WWP2: variants seen among roughly 807,000 people sequenced by gnomAD.
WWP2 encodes WW domain containing E3 ubiquitin protein ligase 2.
A neutral mutation model predicts 121.0 loss-of-function variants in WWP2; 57 were observed. That is an observed-to-expected ratio of 0.47 (90% CI 0.38 to 0.59). The LOEUF is 0.59. WWP2 is among the 20% of genes least tolerant of loss of function. WWP2 has a pLI of 0.00. For synonymous variants in WWP2, 449 were observed against 441.3 expected (o/e 1.02, Z -0.22); for missense variants, 962 against 1,158.9 (o/e 0.83, Z 2.47).
At chr16:69,860,267 G>A (rs1027218193) in intron 6 of WWP2, among the ~76,000 whole-genome samples, 11 of 152,182 alleles carry the variant, frequency 7.2e-5, no homozygotes, top group African/African-American at 2.2e-4. Flanking sequence ...GAGGTTACAG[G>A]CCCAAGAGTG....
intron 7 of WWP2, among the ~76,000 whole-genome samples, chr16:69,882,553 T>C (rs2057849898): frequency 6.6e-6 from 1 of 152,174 alleles, no homozygotes; most frequent in Admixed American, 6.5e-5. Context: ...ATCAGCAAAG[T>C]CAAAACAGCA....
At chr16:69,862,394 G>A (rs991948907) in intron 6 of WWP2, among the ~76,000 whole-genome samples, 3 of 147,414 alleles carry the variant, frequency 2.0e-5, no homozygotes, top group Admixed American at 1.4e-4. Flanking sequence ...ATGGAGTCTC[G>A]CTGTGTCACC....
intron 5 of WWP2, 35 bp downstream of exon 5, chr16:69,840,298 G>A: frequency 1.2e-6 from 2 of 1,608,672 alleles, no homozygotes; most frequent in South Asian, 1.1e-5. Context: ...ACTGTGCCGG[G>A]ACAGGGTGGG....
Position 69,871,799 on chromosome 16 carries a change from C to T in WWP2, c.576-5C>T, listed in dbSNP as rs1223547022. On this transcript the variant is annotated splice_region_variant and splice_polypyrimidine_tract_variant and intron_variant, in intron 6 of 23. Transcript: ENST00000359154. Reference sequence around the variant, plus strand: ...GTCTGTCTGCTTTCTACTTTGAACCCCCAGGACGCACAGACATTCGGGTGC... The same window carrying T: ...GTCTGTCTGCTTTCTACTTTGAACCTCCAGGACGCACAGACATTCGGGTGC... The T allele has an allele frequency of 6.2e-7, 1 of 1,613,862 alleles. No individual in the cohort carries two copies. Among genetic ancestry groups the T allele is most frequent in the Admixed American group, 1.7e-5 (1 of 59,996 alleles).
intron 1 of WWP2, among the ~76,000 whole-genome samples, chr16:69,772,909 A>G (rs1419220607): frequency 2.0e-5 from 3 of 151,708 alleles, no homozygotes; most frequent in African/African-American, 4.8e-5. Flanking sequence ...CACTGGAACC[A>G]TTTTCCAAAA....
At chr16:69,931,612 G>C (rs1388131396) in intron 15 of WWP2, 32 bp downstream of exon 15, 2 of 1,613,540 alleles carry the variant, frequency 1.2e-6, no homozygotes, top group East Asian at 2.2e-5. Context: ...CCAGTGGCAG[G>C]CCGACGCCCT....
At chr16:69,917,132 A>G (rs1221722882) in intron 9 of WWP2, among the ~76,000 whole-genome samples, 1 of 152,280 alleles carries the variant, frequency 6.6e-6, no homozygotes, top group Non-Finnish European at 1.5e-5. Context: ...ACATTGGCTT[A>G]AATAAGGAAG....
chr16:69,922,184 A>G (rs757136255), intron 10 of WWP2, among the ~76,000 whole-genome samples: 18 of 151,832 alleles, frequency 1.2e-4, no homozygotes, highest in Admixed American at 3.9e-4. Context: ...TTACTCTGCA[A>G]TGAGCCCCTT....
At chr16:69,794,373 A>G (rs2055982201) in intron 2 of WWP2, among the ~76,000 whole-genome samples, 2 of 152,162 alleles carry the variant, frequency 1.3e-5, no homozygotes, top group African/African-American at 2.4e-5. Context: ...TACAAAAAAT[A>G]CAAATATGAG....
intron 9 of WWP2, chr16:69,909,835 AT>A: frequency 4.2e-6 from 2 of 477,212 alleles, no homozygotes; most frequent in Non-Finnish European, 5.5e-6. Context: ...CATACTCAAC[AT>A]TTAGCTTCAA....
At chr16:69,927,817 T>C (rs1180378130) in intron 11 of WWP2, among the ~76,000 whole-genome samples, 1 of 152,188 alleles carries the variant, frequency 6.6e-6, no homozygotes, top group Non-Finnish European at 1.5e-5. Context: ...CCTTTGGCTT[T>C]CTTTTATTTA....
At chr16:69,855,717 C>A (rs1434011993) in intron 6 of WWP2, among the ~76,000 whole-genome samples, 3 of 152,062 alleles carry the variant, frequency 2.0e-5, no homozygotes, top group African/African-American at 7.2e-5. Flanking sequence ...GTTGGAAAGG[C>A]CTTAAGTTAG....
Position 69,941,604 on chromosome 16 carries a change from T to C in WWP2, c.*1664T>C, listed in dbSNP as rs990323983. On this transcript the variant is annotated 3_prime_UTR_variant, in exon 24 of 24. Transcript: ENST00000359154. ...GTTCATGTGTGTTCGTGCGTGTGTG[T>C]GCGTACGTGTATATAACTGAAGTGT... The C allele has an allele frequency of 1.3e-5, 2 of 153,818 alleles. No homozygotes were observed. The highest frequency in any genetic ancestry group is 4.8e-5 in the African/African-American group (2 of 41,446). 9.5% of individuals were successfully genotyped at this position (153,818 alleles called of 1,614,324 possible).
intron 1 of WWP2, among the ~76,000 whole-genome samples, chr16:69,762,632 G>A (rs2038639037): frequency 6.6e-6 from 1 of 151,976 alleles, no homozygotes; most frequent in Admixed American, 6.5e-5. Context: ...TGGGTGCCCC[G>A]GCCGCCAAGG....
At chr16:69,774,530 T>G (rs907258427) in intron 1 of WWP2, among the ~76,000 whole-genome samples, 11 of 152,212 alleles carry the variant, frequency 7.2e-5, no homozygotes, top group Non-Finnish European at 1.3e-4. Context: ...GTGCTGGGAT[T>G]ACATGCATGA....
chr16:69,874,305 A>AG (rs2057696855), intron 7 of WWP2, among the ~76,000 whole-genome samples: 1 of 152,170 alleles, frequency 6.6e-6, no homozygotes, highest in Non-Finnish European at 1.5e-5. Context: ...GCAGGACCAG[A>AG]GGGGGGTCGA....
intron 6 of WWP2, among the ~76,000 whole-genome samples, chr16:69,849,482 T>TTCATTCATTCATTCATTC (rs1555553865): frequency 6.7e-6 from 1 of 149,554 alleles, no homozygotes; most frequent in Non-Finnish European, 1.5e-5. Context: ...TTTATTTATT[T>TTCATTCATTCATTCATTC]ATTCATTCAT....
intron 23 of WWP2, 64 bp from the exon 24 acceptor site, chr16:69,939,777 A>G (rs2058853369): frequency 8.2e-6 from 12 of 1,466,904 alleles, no homozygotes; most frequent in Middle Eastern, 1.7e-4. Context: ...GCAGGCAGGC[A>G]TGGTGGGGCT....
intron 1 of WWP2, among the ~76,000 whole-genome samples, chr16:69,767,470 A>G (rs1277350497): frequency 6.6e-6 from 1 of 152,224 alleles, no homozygotes; most frequent in East Asian, 1.9e-4. Context: ...TCCCTTTGGA[A>G]TCAAATCAGT....
Sources: allele counts gnomAD v4.1 joint callset (sites outside exome capture counted in the v4.1 genomes callset), GRCh38; gene constraint gnomAD v4.1.1; transcripts MANE v1.5; gene names NCBI Gene and HGNC (gene_info 2026-07-23, HGNC 2026-07-21).